Variants in DRAM2 observed in about 807,000 individuals in gnomAD.
DRAM2 encodes the protein DNA damage regulated autophagy modulator 2.
In DRAM2, 26 loss-of-function variants were observed where a neutral mutation model predicts 33.5. The ratio of observed to expected loss-of-function variants is 0.78; its 90% confidence interval spans 0.57 to 1.08. DRAM2 has a LOEUF of 1.08. DRAM2 is among the 50% of genes least tolerant of loss of function. The probability of loss-of-function intolerance (pLI) is 0.00; values close to 1 mark genes in which losing one functional copy is unlikely to be tolerated. For synonymous variants in DRAM2, 98 were observed against 109.5 expected, an observed-to-expected ratio of 0.89 and a Z score of 0.66; for missense variants, 311 against 318.1, an observed-to-expected ratio of 0.98 and a Z score of 0.17.
intron 6 of DRAM2, among the ~76,000 whole-genome samples, chr1:111,121,290 A>G (rs1484267719): frequency 1.3e-5 from 2 of 152,106 alleles, no homozygotes; most frequent in African/African-American, 4.8e-5. Context: ...ATATATAGTT[A>G]CACTGCTATA....
At chr1:111,119,368 ACAC>A (rs1649527290) in intron 8 of DRAM2, among the ~76,000 whole-genome samples, 2 of 151,992 alleles carry the variant, frequency 1.3e-5, no homozygotes, top group Non-Finnish European at 2.9e-5. Flanking sequence ...CTTATATAAA[ACAC>A]CACCAAGTGG....
At chr1:111,133,964 T>C (rs1224990618) in intron 3 of DRAM2, among the ~76,000 whole-genome samples, 1 of 152,224 alleles carries the variant, frequency 6.6e-6, no homozygotes, top group Non-Finnish European at 1.5e-5. Context: ...ACTTGCTTGT[T>C]TGGTTTTCTC....
intron 2 of DRAM2, among the ~76,000 whole-genome samples, chr1:111,138,060 A>C (rs1032599967): frequency 2.6e-5 from 4 of 152,248 alleles, no homozygotes; most frequent in Admixed American, 2.6e-4. Flanking sequence ...ACAGTACTCA[A>C]ACAGTTGTTC....
intron 3 of DRAM2, among the ~76,000 whole-genome samples, chr1:111,134,971 G>C (rs952860059): frequency 3.3e-5 from 5 of 152,174 alleles, no homozygotes; most frequent in Non-Finnish European, 5.9e-5. Flanking sequence ...CCTTGAATGA[G>C]TGATGGCAGA....
Position 111,120,717 on chromosome 1 carries a change from C to A in DRAM2, c.340-24G>T, listed in dbSNP as rs373234421. On this transcript the variant is annotated intron_variant, in intron 6 of 9. Coordinates refer to ENST00000484310, the MANE Select transcript of DRAM2 (RefSeq NM_001349884.2). ...TTCTGAGAGATAGAGAGAAGAAATA[C>A]GTCAATAAAAGAAACTCAGAACACA... is the stretch of plus-strand genomic sequence containing the variant. The A allele has an allele frequency of 3.4e-6, 5 of 1,456,032 alleles. No homozygotes were observed. In the East Asian group the frequency reaches 7.6e-5, roughly 22 times the overall value. 90.2% of individuals were successfully genotyped at this position (1,456,032 alleles called of 1,614,324 possible).
At chr1:111,119,527 A>G (rs1054641129) in intron 8 of DRAM2, 1 of 198,418 alleles carries the variant, frequency 5.0e-6, no homozygotes, top group Non-Finnish European at 1.0e-5. Flanking sequence ...CAGATAACAA[A>G]AAGTGGGAGA....
At chr1:111,123,993 G>C (rs1037764813) in intron 6 of DRAM2, among the ~76,000 whole-genome samples, 5 of 152,144 alleles carry the variant, frequency 3.3e-5, no homozygotes, top group African/African-American at 1.2e-4. Context: ...CACCCTGCCT[G>C]AAGTATTCTT....
At chr1:111,123,608 G>C (rs1303923855) in intron 6 of DRAM2, among the ~76,000 whole-genome samples, 1 of 152,082 alleles carries the variant, frequency 6.6e-6, no homozygotes, top group East Asian at 1.9e-4. Flanking sequence ...TATTAGGTCA[G>C]TGCTATGGTT....
intron 3 of DRAM2, among the ~76,000 whole-genome samples, chr1:111,136,825 T>C (rs1266990412): frequency 6.6e-6 from 1 of 151,762 alleles, no homozygotes; most frequent in South Asian, 2.1e-4. Flanking sequence ...ATACAAAAAA[T>C]TAGCCGGGGG....
chr1:111,132,869 GA>G (rs1246371876), intron 3 of DRAM2, among the ~76,000 whole-genome samples: 1 of 151,418 alleles, frequency 6.6e-6, no homozygotes, highest in African/African-American at 2.4e-5. Flanking sequence ...TTGTAGAGAT[GA>G]GGTCTCATTA....
rs748061359 is a variant in DRAM2, at chr1:111,118,873, T to C, written c.625A>G (p.Thr209Ala). The C allele has an allele frequency of 2.5e-5, 40 of 1,609,422 alleles. 1 individual carries two copies. The South Asian group carries it at 3.9e-4, about 16-fold the overall frequency. ...AATGACATAGACCATTCTGCTGCAG[T>C]AGTGATCATGTGAAGCACATAACCC... ...DKGYVLHMIT[T>A]AAEWSMSFSF... Residue 209 changes from threonine to alanine, a missense_variant, in exon 9 of 10, where the codon ACT (threonine) becomes GCT (alanine). Thr to Ala is a moderately conservative substitution (Grantham distance 58). Coordinates refer to ENST00000484310, the MANE Select transcript of DRAM2 (RefSeq NM_001349884.2).
chr1:111,128,907 C>A (rs1287806012), intron 4 of DRAM2, among the ~76,000 whole-genome samples: 1 of 152,168 alleles, frequency 6.6e-6, no homozygotes, highest in Admixed American at 6.5e-5. Flanking sequence ...TAAATATGTA[C>A]CTTCCGGAGT....
chr1:111,137,921 A>G (rs1329402121), intron 2 of DRAM2, among the ~76,000 whole-genome samples: 2 of 152,242 alleles, frequency 1.3e-5, no homozygotes, highest in African/African-American at 4.8e-5. Context: ...TTATTAAGCA[A>G]AATAAAGCAA....
chr1:111,137,417 A>G (rs1419129043), intron 3 of DRAM2, 106 bp downstream of exon 3: 4 of 152,168 alleles, frequency 2.6e-5, no homozygotes, highest in Non-Finnish European at 5.9e-5. Context: ...AATAGTATAA[A>G]ATAATACCCA....
chr1:111,132,165 C>G lies in DRAM2; in HGVS notation c.-14-597G>C, dbSNP rs569018125. Among the ~76,000 whole-genome samples the G allele has an allele frequency of 5.3e-5, 8 of 152,250 alleles. No individual in the cohort carries two copies. The South Asian group carries it at 8.3e-4, about 16-fold the overall frequency. On this transcript the variant is annotated intron_variant, in intron 3 of 9. Transcript: ENST00000484310. Reference sequence around the variant, plus strand: ...AGGAAGGCAGAGAGAGAGGATGAAACTTAAGTTGATCATGCCTGTGTAATG... The same window carrying G: ...AGGAAGGCAGAGAGAGAGGATGAAAGTTAAGTTGATCATGCCTGTGTAATG...
rs778559829 is a variant in DRAM2 at position 111,124,743 on chromosome 1, TG to T, written c.337del (p.Gln113ArgfsTer10). The T allele has an allele frequency of 1.9e-6, 3 of 1,613,106 alleles. No individual in the cohort carries two copies. The highest frequency in any genetic ancestry group is 1.7e-6 in the Non-Finnish European group (2 of 1,179,542). On this transcript the variant is annotated frameshift_variant and splice_region_variant, in exon 6 of 10. Transcript: ENST00000484310. LOFTEE classifies it high-confidence loss of function. ...CLGLSIVANF[Q>X]KTTLFAAHVS... ...CCTATGCTGGGCTAAAACACAAACC[TG>T]GAAGTTTGCCACAATAGAAAGTCCT...
At chr1:111,119,668 T>C in intron 8 of DRAM2, 1 of 528,714 alleles carries the variant, frequency 1.9e-6, no homozygotes. Context: ...ATGCTCTTCA[T>C]ATTTTGACAA....
At chr1:111,133,357 T>C (rs559710203) in intron 3 of DRAM2, among the ~76,000 whole-genome samples, 64 of 152,240 alleles carry the variant, frequency 4.2e-4, no homozygotes, top group Middle Eastern at 3.4e-3. Context: ...TTTGTATTTT[T>C]AGTAGAGATG....
chr1:111,129,532 A>T (rs1362788642), intron 4 of DRAM2, among the ~76,000 whole-genome samples: 1 of 152,206 alleles, frequency 6.6e-6, no homozygotes, highest in Non-Finnish European at 1.5e-5. Context: ...CCATTCATAT[A>T]ATTATGATTT....
Sources: allele counts gnomAD v4.1 joint callset (sites outside exome capture counted in the v4.1 genomes callset), GRCh38; gene constraint gnomAD v4.1.1; transcripts MANE v1.5; gene names NCBI Gene and HGNC (gene_info 2026-07-23, HGNC 2026-07-21).